Variants in ALG6 observed in about 807,000 individuals in gnomAD.
ALG6 encodes the protein ALG6 alpha-1,3-glucosyltransferase.
Under a neutral mutation model 66.6 loss-of-function variants are expected in ALG6, and 46 were observed. The ratio of observed to expected loss-of-function variants is 0.69; its 90% confidence interval spans 0.55 to 0.88. The LOEUF (loss-of-function observed/expected upper bound fraction) is 0.88, where lower values mean the gene tolerates loss of function less well. Ranked by LOEUF, ALG6 falls within the 40% of genes least tolerant of loss-of-function variation. The pLI, the probability that ALG6 is intolerant of heterozygous loss-of-function variation, is 0.00. For synonymous variants in ALG6, 185 were observed against 203.7 expected, an observed-to-expected ratio of 0.91 and a Z score of 0.78; for missense variants, 505 against 586.8, an observed-to-expected ratio of 0.86 and a Z score of 1.44.
At chr1:63,414,257 T>C in intron 10 of ALG6, 111 bp downstream of exon 10, 3 of 527,496 alleles carry the variant, frequency 5.7e-6, no homozygotes, top group South Asian at 5.9e-5. Flanking sequence ...TTTCTTTTCT[T>C]TTTTTTTTTT....
In ALG6 at chr1:63,371,018, G is replaced by T; in HGVS notation, c.41G>T (p.Gly14Val). The T allele has an allele frequency of 6.2e-7, 1 of 1,611,094 alleles. No homozygotes were observed. The highest frequency in any genetic ancestry group is 1.1e-5 in the South Asian group (1 of 91,002). Residue 14 changes from glycine (G) to valine (V), a missense_variant, in exon 2 of 15, where the codon GGA becomes GTA. Physicochemically the swap from Gly to Val is moderately radical, Grantham distance 109. Transcript: ENST00000263440. Reference sequence around the variant, plus strand: ...TTGATGACAGTAGTGGTTTTAATAGGACTAACAGTACGATGGACAGTGTCT... The same window carrying T: ...TTGATGACAGTAGTGGTTTTAATAGTACTAACAGTACGATGGACAGTGTCT... ...WYLMTVVVLI[G>V]LTVRWTVSLN... is the part of the protein sequence containing the mutation.
At chr1:63,406,947 T>A in intron 6 of ALG6, 115 bp from the exon 7 acceptor site, 1 of 764,788 alleles carries the variant, frequency 1.3e-6, no homozygotes, top group Non-Finnish European at 2.3e-6. Context: ...AAAGAAAGTG[T>A]GACACCTCTG....
chr1:63,408,650 T>C (rs897002519), intron 7 of ALG6, among the ~76,000 whole-genome samples: 5 of 152,224 alleles, frequency 3.3e-5, no homozygotes, highest in African/African-American at 1.2e-4. Context: ...TTCCAGATGC[T>C]CTACATCTTG....
At chr1:63,409,595 T>G (rs1304682578) in intron 7 of ALG6, among the ~76,000 whole-genome samples, 2 of 152,168 alleles carry the variant, frequency 1.3e-5, no homozygotes, top group Non-Finnish European at 2.9e-5. Flanking sequence ...TACTTTTTGT[T>G]TTTTTGGTAA....
At chr1:63,422,304 A>AAT (rs1292772851) in intron 12 of ALG6, among the ~76,000 whole-genome samples, 4 of 77,776 alleles carry the variant, frequency 5.1e-5, no homozygotes, top group African/African-American at 2.8e-4. Context: ...TATAGATATA[A>AAT]ATATATATCT....
intron 12 of ALG6, among the ~76,000 whole-genome samples, chr1:63,426,199 A>T (rs921955806): frequency 1.3e-5 from 2 of 152,072 alleles, no homozygotes; most frequent in Non-Finnish European, 2.9e-5. Context: ...ATCGGGGATA[A>T]AGTGTGATGA....
chr1:63,422,616 C>A (rs1026340719), intron 12 of ALG6, among the ~76,000 whole-genome samples: 1 of 150,852 alleles, frequency 6.6e-6, no homozygotes, highest in African/African-American at 2.4e-5. Flanking sequence ...TTTGGTGGGG[C>A]CAGTGTTGGT....
chr1:63,414,967 G>A (rs1006276737), intron 10 of ALG6, among the ~76,000 whole-genome samples: 1 of 152,176 alleles, frequency 6.6e-6, no homozygotes, highest in Non-Finnish European at 1.5e-5. Context: ...TAAGTTAGGC[G>A]CCTCAGGACA....
intron 12 of ALG6, among the ~76,000 whole-genome samples, chr1:63,421,809 T>TG (rs1644575055): frequency 6.8e-6 from 1 of 146,874 alleles, no homozygotes; most frequent in Admixed American, 7.0e-5. Flanking sequence ...CACTCATAAG[T>TG]GGGAGTTGAA....
At chr1:63,411,837 G>T in intron 8 of ALG6, 89 bp from the exon 9 acceptor site, 1 of 1,500,794 alleles carries the variant, frequency 6.7e-7, no homozygotes, top group Non-Finnish European at 9.3e-7. Flanking sequence ...CTATACATGT[G>T]CATGTATTAT....
rs1034629120 is a variant in ALG6 at position 63,437,125 on chromosome 1, G to C, written c.*105G>C. 6.2e-6 allele frequency: 6 copies of C among 960,770 alleles called. No homozygotes were observed. In the Admixed American group the frequency reaches 1.3e-4, roughly 21 times the overall value. 59.5% of individuals were successfully genotyped at this position (960,770 alleles called of 1,614,324 possible). Reference sequence around the variant, plus strand: ...TGTATAAATGAAATTACCATTTTGAGAACCATGGAACCACAGGAAAGGAAA... The same window carrying C: ...TGTATAAATGAAATTACCATTTTGACAACCATGGAACCACAGGAAAGGAAA... On this transcript the variant is annotated 3_prime_UTR_variant, in exon 15 of 15. Coordinates refer to ENST00000263440, the MANE Select transcript of ALG6 (RefSeq NM_013339.4).
rs886046471 is a variant in ALG6 at position 63,411,146 on chromosome 1, A to G, written c.495A>G (p.Gln165=). 18 of 1,613,674 alleles carry G rather than the reference A, an allele frequency of 1.1e-5. No homozygotes were observed. The highest frequency in any genetic ancestry group is 3.3e-4 in the Middle Eastern group (2 of 6,082). Reference sequence around the variant, plus strand: ...GATAATTTCCTTGACACAGGAACATATATAATTCTGTGAGTCTTGGCTTTG... The same window carrying G: ...GATAATTTCCTTGACACAGGAACATGTATAATTCTGTGAGTCTTGGCTTTG... ...GLILIDYGHF[Q]YNSVSLGFAL... The change falls in exon 8 of 15, where the codon CAA becomes CAG. Residue 165 remains glutamine, a splice_region_variant and synonymous_variant. Coordinates refer to ENST00000263440, the MANE Select transcript of ALG6 (RefSeq NM_013339.4).
rs573374539 is a variant in ALG6 at position 63,376,247 on chromosome 1, G to A, written c.82+5188G>A. ...TGTAGGCAGTTGTAGCACATGGTAAGTATTTGTGTATTTAAACATATCTAA... is the reference window on the plus strand; with the variant it reads ...TGTAGGCAGTTGTAGCACATGGTAAATATTTGTGTATTTAAACATATCTAA... On this transcript the variant is annotated intron_variant, in intron 2 of 14. Coordinates refer to ENST00000263440, the MANE Select transcript of ALG6 (RefSeq NM_013339.4). 6.0e-4 allele frequency among the ~76,000 whole-genome samples: 91 copies of A among 152,160 alleles called. 2 individuals are homozygous for A. Among genetic ancestry groups the A allele is most frequent in the Admixed American group, 6.0e-3 (91 of 15,242 alleles).
intron 2 of ALG6, among the ~76,000 whole-genome samples, chr1:63,374,927 AG>A (rs1648067304): frequency 1.3e-5 from 2 of 152,198 alleles, no homozygotes; most frequent in Non-Finnish European, 2.9e-5. Flanking sequence ...ATAAAAATGT[AG>A]GCTGAGCACA....
chr1:63,422,596 C>T (rs190441368), intron 12 of ALG6, among the ~76,000 whole-genome samples: 107 of 150,808 alleles, frequency 7.1e-4, no homozygotes, highest in Admixed American at 1.4e-3. Flanking sequence ...ATATGGAAGT[C>T]ACTGGTGACT....
chr1:63,370,769 A>G lies in ALG6; in HGVS notation c.-207-2A>G. The G allele has an allele frequency of 1.7e-6, 1 of 585,152 alleles. No individual in the cohort carries two copies. The highest frequency in any genetic ancestry group is 3.0e-6 in the Non-Finnish European group (1 of 328,124). 36.2% of individuals were successfully genotyped at this position (585,152 alleles called of 1,614,324 possible). Reference sequence around the variant, plus strand: ...TCTTGATATCTTTTTTTTTCCCCTTAGGATACTTCTACATAGACATAATCA... The same window carrying G: ...TCTTGATATCTTTTTTTTTCCCCTTGGGATACTTCTACATAGACATAATCA... On this transcript the variant is annotated splice_acceptor_variant, in intron 1 of 14. Transcript: ENST00000263440. LOFTEE classifies it low-confidence loss of function (5UTR_SPLICE).
At chr1:63,372,481 GAC>G (rs374335924) in intron 2 of ALG6, among the ~76,000 whole-genome samples, 22 of 146,142 alleles carry the variant, frequency 1.5e-4, no homozygotes, top group East Asian at 6.1e-4. Context: ...TATATACACA[GAC>G]ACACACATAT....
At chr1:63,411,816 A>C in intron 8 of ALG6, 110 bp from the exon 9 acceptor site, 1 of 1,441,016 alleles carries the variant, frequency 6.9e-7, no homozygotes, top group Non-Finnish European at 9.7e-7. Context: ...GGTAACATAG[A>C]TTTGGCATTA....
chr1:63,370,787 C>T lies in ALG6; in HGVS notation c.-191C>T. 2 of 621,630 alleles carry T rather than the reference C, an allele frequency of 3.2e-6. No homozygotes were observed. Among genetic ancestry groups the T allele is most frequent in the Non-Finnish European group, 5.8e-6 (2 of 346,328 alleles). 38.5% of individuals were successfully genotyped at this position (621,630 alleles called of 1,614,324 possible). ...TCCCCTTAGGATACTTCTACATAGACATAATCAAGTTTTGACTATTTGGAA... is the reference window on the plus strand; with the variant it reads ...TCCCCTTAGGATACTTCTACATAGATATAATCAAGTTTTGACTATTTGGAA... On this transcript the variant is annotated 5_prime_UTR_variant, in exon 2 of 15. Coordinates refer to ENST00000263440, the MANE Select transcript of ALG6 (RefSeq NM_013339.4).
Sources: allele counts gnomAD v4.1 joint callset (sites outside exome capture counted in the v4.1 genomes callset), GRCh38; gene constraint gnomAD v4.1.1; transcripts MANE v1.5; gene names NCBI Gene and HGNC (gene_info 2026-07-23, HGNC 2026-07-21).